MBTPS1: variants seen among roughly 807,000 people sequenced by gnomAD.
MBTPS1 encodes membrane bound transcription factor peptidase, site 1.
MBTPS1 carries 94 observed loss-of-function variants against 127.8 expected under a neutral mutation model. The observed-to-expected ratio is 0.74, with a 90% CI of 0.62 to 0.87. The LOEUF is 0.87. Ranked by LOEUF, MBTPS1 falls within the 40% of genes least tolerant of loss-of-function variation. The pLI is 0.00. For synonymous variants in MBTPS1, 632 were observed against 509.4 expected, an observed-to-expected ratio of 1.24 and a Z score of -3.24; for missense variants, 1,636 against 1,353.2, an observed-to-expected ratio of 1.21 and a Z score of -3.28.
At chr16:84,058,431 C>T (rs181355884) in intron 21 of MBTPS1, among the ~76,000 whole-genome samples, 1 of 152,278 alleles carries the variant, frequency 6.6e-6, no homozygotes, top group East Asian at 1.9e-4. Context: ...GGGAGAGGGG[C>T]CGGGTACCAG....
chr16:84,059,245 A>C (rs2085569093), intron 21 of MBTPS1, 57 bp downstream of exon 21: 2 of 1,564,424 alleles, frequency 1.3e-6, no homozygotes, highest in African/African-American at 2.7e-5. Flanking sequence ...TCCTATAAGA[A>C]AAGCAATGAC....
In MBTPS1 at chr16:84,054,497, G is replaced by A; in HGVS notation, c.3111C>T (p.Arg1037=). The change falls in exon 23 of 23, where the codon CGC becomes CGT. Residue 1037 remains arginine (R), a synonymous_variant. Coordinates refer to ENST00000343411, the MANE Select transcript of MBTPS1 (RefSeq NM_003791.4). ...GGTGAACCTGCTGCATGAGCTGCGG[G>A]CGCTTCACCCTGGGCTTCCTCCGCT... is the stretch of plus-strand genomic sequence containing the variant. ...RPKRRKPRVK[R]PQLMQQVHPP... The A allele has an allele frequency of 2.5e-6, 4 of 1,613,212 alleles. No individual in the cohort carries two copies. The highest frequency in any genetic ancestry group is 2.5e-6 in the Non-Finnish European group (3 of 1,179,546).
In MBTPS1 at chr16:84,101,581, A is replaced by G; in HGVS notation, c.163+40T>C. ...TTTATATTAAGTAAGCTTTAAAAAA[A>G]TAGGATGGGAGTTCCTAATACTTAA... is the stretch of plus-strand genomic sequence containing the variant. On this transcript the variant is annotated intron_variant, in intron 2 of 22. Transcript: ENST00000343411. 5 of 1,525,692 alleles carry G rather than the reference A, an allele frequency of 3.3e-6. No individual in the cohort carries two copies. In the East Asian group the frequency reaches 6.9e-5, roughly 21 times the overall value. 94.5% of individuals were successfully genotyped at this position (1,525,692 alleles called of 1,614,324 possible).
intron 8 of MBTPS1, 42 bp downstream of exon 8, chr16:84,090,833 G>T: frequency 7.0e-7 from 1 of 1,419,684 alleles, no homozygotes; most frequent in Non-Finnish European, 9.9e-7. Context: ...GTTATTTAAG[G>T]GGGAAAAAAT....
intron 16 of MBTPS1, 111 bp downstream of exon 16, chr16:84,067,556 C>T: frequency 1.2e-6 from 1 of 863,142 alleles, no homozygotes; most frequent in South Asian, 1.6e-5. Context: ...CTGAATGTGT[C>T]TGTGCCAACT....
rs1306776485 is a variant in MBTPS1 at position 84,099,044 on chromosome 16, A to G, written c.421+9T>C. On this transcript the variant is annotated intron_variant, in intron 3 of 22. Coordinates refer to ENST00000343411, the MANE Select transcript of MBTPS1 (RefSeq NM_003791.4). ...CAGAGAGAAATTTGCCTACAGTCAC[A>G]ATACTCACATTCAGCATACTTGAGG... The G allele has an allele frequency of 5.0e-6, 8 of 1,613,146 alleles. No homozygotes were observed. Among genetic ancestry groups the G allele is most frequent in the Non-Finnish European group, 6.8e-6 (8 of 1,179,332 alleles).
Position 84,070,137 on chromosome 16 carries a change from A to T in MBTPS1, c.1783-99T>A, listed in dbSNP as rs764730410. The stretch of plus-strand genomic sequence containing the variant: ...TCTATTTATCAACTTAACCTAAATA[A>T]TTTGAACACAAGAATTTCCAATAAC... On this transcript the variant is annotated intron_variant, in intron 13 of 22. Coordinates refer to ENST00000343411, the MANE Select transcript of MBTPS1 (RefSeq NM_003791.4). 304 of 1,017,012 alleles carry T rather than the reference A, an allele frequency of 3.0e-4. 5 individuals are homozygous for T. The highest frequency in any genetic ancestry group is 1.5e-3 in the South Asian group (88 of 59,024). 63.0% of individuals were successfully genotyped at this position (1,017,012 alleles called of 1,614,324 possible). A position where few individuals can be genotyped will look rare whatever the true frequency, so the allele number is the denominator to read the frequency against.
At chr16:84,073,614 A>G (rs1044402822) in intron 12 of MBTPS1, among the ~76,000 whole-genome samples, 1 of 151,952 alleles carries the variant, frequency 6.6e-6, no homozygotes, top group Non-Finnish European at 1.5e-5. Flanking sequence ...GTTTTTCCCT[A>G]TTTTTTATTA....
chr16:84,059,598 T>G, intron 20 of MBTPS1, 170 bp from the exon 21 acceptor site: 2 of 548,950 alleles, frequency 3.6e-6, no homozygotes, highest in Non-Finnish European at 6.4e-6. Context: ...GCCTGATTGG[T>G]TCCTCCCGGA....
intron 8 of MBTPS1, among the ~76,000 whole-genome samples, chr16:84,088,477 A>C (rs2086060537): frequency 6.6e-6 from 1 of 152,242 alleles, no homozygotes; most frequent in Admixed American, 6.5e-5. Flanking sequence ...AGGCTGGTAC[A>C]GAAGTCACTG....
intron 16 of MBTPS1, among the ~76,000 whole-genome samples, chr16:84,067,016 T>C (rs1194050784): frequency 6.6e-6 from 1 of 152,140 alleles, no homozygotes; most frequent in Non-Finnish European, 1.5e-5. Context: ...TTGATCCCAA[T>C]AAAGGGAAGG....
chr16:84,065,747 T>A lies in MBTPS1; in HGVS notation c.2374A>T (p.Ser792Cys). The A allele has an allele frequency of 1.2e-6, 2 of 1,608,210 alleles. No individual in the cohort carries two copies. Among genetic ancestry groups the A allele is most frequent in the Non-Finnish European group, 1.7e-6 (2 of 1,177,948 alleles). ...NHDMYYASGC[S>C]IAKFPEDGVV... ...CCATCTTCTGGAAACTTCGCGATGC[T>A]GCACCCTGACGCATAATACACTAGG... The change falls in exon 18 of 23, where the codon AGC becomes TGC. Residue 792 changes from serine (S) to cysteine (C), a missense_variant. Transcript: ENST00000343411.
chr16:84,097,087 T>C (rs2086187985), intron 3 of MBTPS1, among the ~76,000 whole-genome samples: 1 of 152,126 alleles, frequency 6.6e-6, no homozygotes, highest in Non-Finnish European at 1.5e-5. Flanking sequence ...ACACCATGGG[T>C]ATCTTCAAAT....
At chr16:84,077,249 A>AAAGAGAG (rs1555510714) in intron 11 of MBTPS1, among the ~76,000 whole-genome samples, 9 of 138,774 alleles carry the variant, frequency 6.5e-5, no homozygotes, top group African/African-American at 7.8e-5. Flanking sequence ...AAAAAAAAAA[A>AAAGAGAG]AGAGAGAGAG....
Position 84,070,608 on chromosome 16 carries a change from C to T in MBTPS1, c.1762G>A (p.Ala588Thr). 1 of 1,612,474 alleles carries T rather than the reference C, an allele frequency of 6.2e-7. No individual in the cohort carries two copies. Among genetic ancestry groups the T allele is most frequent in the South Asian group, 1.1e-5 (1 of 90,986 alleles). ...CCTACCTCTGTCTCTGCTGGGGAAG[C>T]CACAGTGATCATGACATGGCCCTGA... is the stretch of plus-strand genomic sequence containing the variant. ...IAQGHVMITV[A>T]SPAETESKNG... Residue 588 changes from alanine to threonine, a missense_variant, in exon 13 of 23, where the codon GCT becomes ACT. Transcript: ENST00000343411.
intron 11 of MBTPS1, 22 bp from the exon 12 acceptor site, chr16:84,074,763 T>TA: frequency 6.2e-7 from 1 of 1,605,474 alleles, no homozygotes; most frequent in South Asian, 1.1e-5. Context: ...AATACAGTGT[T>TA]AGAGTAGATC....
intron 14 of MBTPS1, among the ~76,000 whole-genome samples, chr16:84,069,248 A>C (rs952000569): frequency 5.9e-5 from 9 of 152,230 alleles, no homozygotes; most frequent in African/African-American, 1.9e-4. Context: ...GCACCAAGAG[A>C]AAGTCAGCCC....
chr16:84,071,118 T>C (rs2085764357), intron 12 of MBTPS1, among the ~76,000 whole-genome samples: 1 of 152,174 alleles, frequency 6.6e-6, no homozygotes, highest in Admixed American at 6.5e-5. Flanking sequence ...AACTCTCAGA[T>C]TTAAGGTTAT....
In MBTPS1 at chr16:84,060,727, G is replaced by A. The variant is rs767718099; in HGVS notation, c.2659C>T (p.Arg887Cys). 6.8e-6 allele frequency: 11 copies of A among 1,613,446 alleles called. No homozygotes were observed. The highest frequency in any genetic ancestry group is 4.4e-5 in the South Asian group (4 of 90,852). Residue 887 changes from arginine to cysteine, a missense_variant, in exon 20 of 23, where the codon CGC becomes TGC. Arg to Cys is a radical substitution (Grantham distance 180, BLOSUM62 -3). Transcript: ENST00000343411. ...ACTGAGCCTGCTCCACTGGGAGGGCGCTGGCGGTTCCCAGAGTGACTGAGG... is the reference window on the plus strand; with the variant it reads ...ACTGAGCCTGCTCCACTGGGAGGGCACTGGCGGTTCCCAGAGTGACTGAGG... ...PSLSHSGNRQ[R>C]PPSGAGSVTP...
Sources: gnomAD v4.1 joint callset for allele counts (sites outside exome capture counted in the v4.1 genomes callset) on GRCh38, gnomAD v4.1.1 for gene constraint, MANE v1.5 for transcripts, NCBI Gene and HGNC (gene_info 2026-07-23, HGNC 2026-07-21) for gene names.